The following COG3 variants were observed in gnomAD, a reference collection of about 807,000 sequenced individuals.
COG3 encodes conserved oligomeric Golgi complex subunit 3.
Under a neutral mutation model 114.1 loss-of-function variants are expected in COG3, and 32 were observed. The ratio of observed to expected loss-of-function variants is 0.28; its 90% CI spans 0.21 to 0.38. COG3 has a LOEUF of 0.38. COG3 is among the 10% of genes least tolerant of loss of function. The pLI is 1.00. For synonymous variants in COG3, 352 were observed against 365.7 expected (o/e 0.96, Z 0.43); for missense variants, 813 against 973.2 (o/e 0.84, Z 2.19).
At position 45,493,399 on chromosome 13, in the gene COG3, A is replaced by C. The variant is rs1887136299; in HGVS notation, c.1240A>C (p.Ile414Leu). 6.2e-7 allele frequency: 1 copy of C among 1,613,352 alleles called. No homozygotes were observed. The highest frequency in any genetic ancestry group is 8.5e-7 in the Non-Finnish European group (1 of 1,179,582). ...ATTGTATGATGTCTTCAGGCCATTG[A>C]TCATTCATGTTATTCACTTAGAGAC... ...VSLYDVFRPL[I>L]IHVIHLETLS... Residue 414 changes from isoleucine to leucine, a missense_variant, in exon 12 of 23, where the codon ATC becomes CTC. By Grantham distance (5) the Ile-to-Leu change is conservative (BLOSUM62 2). This residue lies in a region of COG3 where 389 missense variants were observed against 542.6 expected (regional missense o/e 0.72). Transcript: ENST00000349995.
chr13:45,527,592 A>C (rs1300719694), intron 20 of COG3, among the ~76,000 whole-genome samples: 1 of 152,200 alleles, frequency 6.6e-6, no homozygotes, highest in African/African-American at 2.4e-5. Context: ...GACTTGGTCA[A>C]GTTCTCAGGG....
At chr13:45,474,843 CATA>C (rs1885757546) in intron 1 of COG3, among the ~76,000 whole-genome samples, 6 of 152,168 alleles carry the variant, frequency 3.9e-5, no homozygotes, top group Admixed American at 3.3e-4. Context: ...CCTTAAATGT[CATA>C]AACTAAGAAC....
At chr13:45,512,108 CTTG>C (rs201284701) in intron 16 of COG3, 3,520 of 349,882 alleles carry the variant, frequency 0.01, 32 homozygotes, top group Non-Finnish European at 0.013. Context: ...GTAAAGGTTT[CTTG>C]TTGTAGTCCT....
intron 19 of COG3, among the ~76,000 whole-genome samples, chr13:45,519,897 A>G (rs1200748165): frequency 1.3e-5 from 2 of 152,226 alleles, no homozygotes; most frequent in East Asian, 3.8e-4. Flanking sequence ...AGAAAAGCAG[A>G]TCATGGCTAT....
At chr13:45,465,408 C>T in intron 1 of COG3, 198 bp downstream of exon 1, 1 of 927,562 alleles carries the variant, frequency 1.1e-6, no homozygotes, top group South Asian at 1.8e-5. Flanking sequence ...GACTCTAATT[C>T]TGCCTGGGGA....
intron 19 of COG3, among the ~76,000 whole-genome samples, chr13:45,520,736 A>AG (rs1385487490): frequency 2.0e-5 from 3 of 152,266 alleles, no homozygotes; most frequent in Non-Finnish European, 4.4e-5. Flanking sequence ...ATAAAAAAGG[A>AG]GGGGGATAGA....
chr13:45,483,293 C>G lies in COG3; in HGVS notation c.781C>G (p.His261Asp). 6.3e-7 allele frequency: 1 copy of G among 1,586,920 alleles called. No homozygotes were observed. Among genetic ancestry groups the G allele is most frequent in the Non-Finnish European group, 8.7e-7 (1 of 1,155,688 alleles). Residue 261 changes from histidine to aspartate, a missense_variant, in exon 7 of 23, where the codon CAC (histidine) becomes GAC (aspartate). Physicochemically the swap from His to Asp is moderately conservative, Grantham distance 81 (BLOSUM62 -1). Around this residue, in one of 2 missense-constraint regions of COG3, gnomAD observed 424 missense variants for 430.6 expected, o/e 0.98. Transcript: ENST00000349995. ...KFKQCLSKALHLMKTYTVNTL... is the reference protein window; with the variant it reads ...KFKQCLSKALDLMKTYTVNTL... ...TAAACAGTGTCTTTCTAAAGCTTTG[C>G]ACCTCATGAAGACATATACTGTGAA... is the stretch of plus-strand genomic sequence containing the variant.
chr13:45,469,264 G>T (rs1885329252), intron 1 of COG3, among the ~76,000 whole-genome samples: 1 of 152,174 alleles, frequency 6.6e-6, no homozygotes, highest in Non-Finnish European at 1.5e-5. Context: ...AATATCTATA[G>T]TAGTTTCTCA....
In COG3 at chr13:45,529,843, G is replaced by A; in HGVS notation, c.2283G>A (p.Leu761=). 2 of 1,613,630 alleles carry A rather than the reference G, an allele frequency of 1.2e-6. No individual in the cohort carries two copies. The highest frequency in any genetic ancestry group is 1.7e-6 in the Non-Finnish European group (2 of 1,179,656). Residue 761 remains leucine, a synonymous_variant, in exon 21 of 23, where the codon CTG becomes CTA. Transcript: ENST00000349995. ...CATATAAGACAATAAAAACAAAGCT[G>A]CCTGTGACATTGAGAAGTATGTCCT... ...ATAYKTIKTK[L]PVTLRSMSLY... is the part of the protein sequence containing the mutation.
intron 2 of COG3, among the ~76,000 whole-genome samples, chr13:45,477,269 G>A (rs1885928416): frequency 6.6e-6 from 1 of 152,040 alleles, no homozygotes; most frequent in Admixed American, 6.5e-5. Flanking sequence ...GTGTTCTCAG[G>A]TTCACTTGAA....
chr13:45,496,924 C>T (rs1191866638), intron 13 of COG3, among the ~76,000 whole-genome samples: 1 of 152,174 alleles, frequency 6.6e-6, no homozygotes, highest in Non-Finnish European at 1.5e-5. Flanking sequence ...CCGCCCGCCT[C>T]GGCCTCCCAA....
chr13:45,526,620 G>A (rs1008734967), intron 20 of COG3, among the ~76,000 whole-genome samples: 6 of 152,114 alleles, frequency 3.9e-5, no homozygotes, highest in African/African-American at 1.4e-4. Flanking sequence ...TAGGTGTTTC[G>A]TTTACCATGA....
intron 16 of COG3, among the ~76,000 whole-genome samples, chr13:45,513,841 G>A (rs1297872499): frequency 6.6e-6 from 1 of 151,784 alleles, no homozygotes; most frequent in Non-Finnish European, 1.5e-5. Context: ...ATTGTGGCAT[G>A]TTTTATATAA....
rs1241933723 is a variant in COG3 at position 45,486,055 on chromosome 13, A to G, written c.844-440A>G. Among the ~76,000 whole-genome samples, 6 of 111,944 alleles carry G rather than the reference A, an allele frequency of 5.4e-5. No individual in the cohort carries two copies. The East Asian group carries it at 1.2e-3, about 23-fold the overall frequency. 73.4% of individuals were successfully genotyped at this position (111,944 alleles called of 152,430 possible). ...CTGAGTGAACGAGACTCCGTCTGCA[A>G]TCCCGGCACCTCGGGAGGCCGAGGT... On this transcript the variant is annotated intron_variant, in intron 7 of 22. Coordinates refer to ENST00000349995, the MANE Select transcript of COG3 (RefSeq NM_031431.4).
At chr13:45,503,192 G>A (rs1263916189) in intron 13 of COG3, 52 bp from the exon 14 acceptor site, 1 of 849,254 alleles carries the variant, frequency 1.2e-6, no homozygotes, top group African/African-American at 1.7e-5. Flanking sequence ...ACATGTTCAT[G>A]TTGCCAAACA....
chr13:45,504,057 G>T (rs530145021), intron 14 of COG3, among the ~76,000 whole-genome samples: 1 of 152,196 alleles, frequency 6.6e-6, no homozygotes, highest in East Asian at 1.9e-4. Context: ...AAGCTAGATG[G>T]GAAGTAAGCC....
chr13:45,492,037 C>T (rs553288794), intron 10 of COG3, 122 bp from the exon 11 acceptor site: 14 of 541,446 alleles, frequency 2.6e-5, no homozygotes, highest in African/African-American at 6.0e-5. Flanking sequence ...TTCCGTTCTT[C>T]AGTAAGTTGT....
intron 1 of COG3, among the ~76,000 whole-genome samples, chr13:45,467,478 G>T (rs962962835): frequency 5.9e-5 from 9 of 152,342 alleles, no homozygotes; most frequent in African/African-American, 2.2e-4. Context: ...TGTAATCCCA[G>T]GTACTTGGGA....
Position 45,530,771 on chromosome 13 carries a change from T to G in COG3, c.2448T>G (p.Ser816=). The G allele has an allele frequency of 6.2e-7, 1 of 1,608,826 alleles. No homozygotes were observed. Among genetic ancestry groups the G allele is most frequent in the Non-Finnish European group, 8.5e-7 (1 of 1,175,192 alleles). The change falls in exon 22 of 23, where the codon TCT becomes TCG. Residue 816 remains serine, a synonymous_variant. Coordinates refer to ENST00000349995, the MANE Select transcript of COG3 (RefSeq NM_031431.4). ...ACATCCAGATCATTGCCTGTCCATC[T>G]ATGGAACAGGTAATGGGTAGACTGA... ...PEDIQIIACP[S]MEQLSLLLLV...
Sources: gnomAD v4.1 joint callset for allele counts (sites outside exome capture counted in the v4.1 genomes callset) on GRCh38, gnomAD v4.1.1 for gene constraint, gnomAD v4.1.1 regional missense constraint, MANE v1.5 for transcripts, NCBI Gene and HGNC (gene_info 2026-07-23, HGNC 2026-07-21) for gene names.